The following MYO1B variants were observed in gnomAD, a reference collection of about 807,000 sequenced individuals.
The protein encoded by MYO1B is myosin IB.
MYO1B carries 72 observed loss-of-function variants against 159.7 expected under a neutral mutation model. That is an observed-to-expected ratio of 0.45 (90% CI 0.37 to 0.55). The LOEUF is 0.55. Among genes scored for constraint, MYO1B ranks in the 20% least tolerant of loss-of-function variants. The pLI is 0.00. For missense variants in MYO1B, 1,062 were observed against 1,364.8 expected (o/e 0.78, Z 3.50); for synonymous variants, 468 against 473.8 (o/e 0.99, Z 0.16).
At chr2:191,321,688 G>T (rs1277859321) in intron 3 of MYO1B, among the ~76,000 whole-genome samples, 1 of 152,140 alleles carries the variant, frequency 6.6e-6, no homozygotes, top group Non-Finnish European at 1.5e-5. Context: ...TTGCATATGC[G>T]TTGGGGTTCA....
Position 191,293,955 on chromosome 2 carries a change from G to A in MYO1B, c.136-2156G>A, listed in dbSNP as rs114223015. Among the ~76,000 whole-genome samples the A allele has an allele frequency of 3.4e-3, 514 of 152,302 alleles. 1 individual carries two copies. The highest frequency in any genetic ancestry group is 0.012 in the African/African-American group (494 of 41,558). On this transcript the variant is annotated intron_variant, in intron 2 of 30. Transcript: ENST00000392318. ...AGTATATTTGATCTTATATTTCAAT[G>A]CAAGAATAATTAGATGTGTTTCAGT... is the stretch of plus-strand genomic sequence containing the variant.
At chr2:191,269,218 C>T (rs888687111) in intron 1 of MYO1B, among the ~76,000 whole-genome samples, 1 of 152,182 alleles carries the variant, frequency 6.6e-6, no homozygotes, top group Non-Finnish European at 1.5e-5. Flanking sequence ...ATGAATTTGA[C>T]TTTTCTGTGT....
chr2:191,356,037 G>T (rs999544122), intron 7 of MYO1B, among the ~76,000 whole-genome samples: 1 of 152,002 alleles, frequency 6.6e-6, no homozygotes, highest in Non-Finnish European at 1.5e-5. Context: ...CTTTTAAATT[G>T]TTTGAGATTT....
intron 18 of MYO1B, among the ~76,000 whole-genome samples, chr2:191,391,058 A>G (rs1457925919): frequency 2.0e-5 from 3 of 152,256 alleles, no homozygotes; most frequent in Non-Finnish European, 2.9e-5. Flanking sequence ...AGAGTGCTGG[A>G]CACCGCAGGC....
intron 13 of MYO1B, chr2:191,381,198 T>G: frequency 2.1e-6 from 1 of 467,394 alleles, no homozygotes; most frequent in Non-Finnish European, 3.9e-6. Flanking sequence ...GCTTTTCTGT[T>G]TGGGGTGCTT....
chr2:191,297,611 A>C (rs1559148943), intron 3 of MYO1B, among the ~76,000 whole-genome samples: 4 of 152,182 alleles, frequency 2.6e-5, no homozygotes, highest in Admixed American at 2.0e-4. Flanking sequence ...GTGCATGTAG[A>C]TATTGATGAG....
chr2:191,400,515 T>C (rs781719814), intron 22 of MYO1B, 47 bp downstream of exon 22: 3 of 1,594,866 alleles, frequency 1.9e-6, no homozygotes, highest in African/African-American at 1.3e-5. Flanking sequence ...AGTAACGTCA[T>C]GTGGAACCAT....
At chr2:191,420,680 T>C (rs1272774912) in intron 30 of MYO1B, among the ~76,000 whole-genome samples, 1 of 152,228 alleles carries the variant, frequency 6.6e-6, no homozygotes, top group African/African-American at 2.4e-5. Context: ...AGTTCCCAAA[T>C]AGAGTAAAAA....
intron 16 of MYO1B, 115 bp downstream of exon 16, chr2:191,386,199 C>T (rs1249803111): frequency 1.1e-6 from 1 of 903,072 alleles, no homozygotes; most frequent in East Asian, 2.4e-5. Context: ...AATTGAGCTG[C>T]TAAAGTGGTT....
intron 7 of MYO1B, among the ~76,000 whole-genome samples, chr2:191,357,776 A>G (rs776661500): frequency 5.9e-5 from 9 of 152,224 alleles, no homozygotes; most frequent in Non-Finnish European, 1.2e-4. Flanking sequence ...TACTTTGAGT[A>G]ATTATTTGGT....
In MYO1B at chr2:191,350,164, C is replaced by A. The variant is rs1692821473; in HGVS notation, c.501C>A (p.Gly167=). The A allele has an allele frequency of 1.2e-6, 2 of 1,612,226 alleles. No homozygotes were observed. Among genetic ancestry groups the A allele is most frequent in the Non-Finnish European group, 1.7e-6 (2 of 1,178,846 alleles). The change falls in exon 7 of 31, where the codon GGC becomes GGA. Residue 167 remains glycine, a splice_region_variant and synonymous_variant. Transcript: ENST00000392318. ...TVRNDNSSRF[G]KYMDIEFDFK... Reference sequence around the variant, plus strand: ...CTCACAAAATCTTTCTTTGGCAGGGCAAATATATGGATATTGAATTTGACT... The same window carrying A: ...CTCACAAAATCTTTCTTTGGCAGGGAAAATATATGGATATTGAATTTGACT...
intron 3 of MYO1B, among the ~76,000 whole-genome samples, chr2:191,301,116 C>T (rs17347499): frequency 0.37 from 55,869 of 151,914 alleles, 10,521 homozygotes; most frequent in Middle Eastern, 0.52. Flanking sequence ...CAGGGTATCA[C>T]TGGGTGGCAT....
chr2:191,409,298 G>A, intron 26 of MYO1B, 120 bp downstream of exon 26: 1 of 1,169,044 alleles, frequency 8.6e-7, no homozygotes, highest in Non-Finnish European at 1.2e-6. Flanking sequence ...ATTACTTGAG[G>A]ACTTTGGTGA....
intron 7 of MYO1B, among the ~76,000 whole-genome samples, chr2:191,353,827 C>T (rs1448096425): frequency 6.6e-6 from 1 of 152,214 alleles, no homozygotes; most frequent in African/African-American, 2.4e-5. Context: ...GTGCCTGGTA[C>T]ATAGTGAGCA....
intron 26 of MYO1B, among the ~76,000 whole-genome samples, chr2:191,409,701 A>G (rs1697147226): frequency 2.0e-5 from 3 of 152,188 alleles, no homozygotes; most frequent in Non-Finnish European, 4.4e-5. Context: ...ATTACAGGGA[A>G]GCTGGAAATC....
At chr2:191,418,143 C>T (rs187408533) in intron 30 of MYO1B, among the ~76,000 whole-genome samples, 2 of 152,190 alleles carry the variant, frequency 1.3e-5, no homozygotes, top group Non-Finnish European at 2.9e-5. Context: ...CTACATAGCA[C>T]CCGTGGGTCC....
intron 13 of MYO1B, among the ~76,000 whole-genome samples, chr2:191,373,270 A>C (rs534702427): frequency 6.6e-6 from 1 of 152,296 alleles, no homozygotes; most frequent in South Asian, 2.1e-4. Flanking sequence ...TCAGATGTCT[A>C]GGCTGTACCC....
chr2:191,362,746 T>G (rs1280547874), intron 9 of MYO1B, among the ~76,000 whole-genome samples: 1 of 152,256 alleles, frequency 6.6e-6, no homozygotes, highest in African/African-American at 2.4e-5. Context: ...AAAAATCTTT[T>G]TATATAGTTT....
chr2:191,279,419 A>T (rs1300269986), intron 2 of MYO1B, among the ~76,000 whole-genome samples: 1 of 151,672 alleles, frequency 6.6e-6, no homozygotes, highest in Non-Finnish European at 1.5e-5. Flanking sequence ...ACCTTCAGGT[A>T]CCATAGTGGG....
Sources: gnomAD v4.1 joint callset for allele counts (sites outside exome capture counted in the v4.1 genomes callset) on GRCh38, gnomAD v4.1.1 for gene constraint, MANE v1.5 for transcripts, NCBI Gene and HGNC (gene_info 2026-07-23, HGNC 2026-07-21) for gene names.